Variants in FUBP3 observed in about 807,000 individuals in gnomAD.
The protein encoded by FUBP3 is far upstream element-binding protein 3.
A neutral mutation model predicts 85.6 loss-of-function variants in FUBP3; 28 were observed. That is an observed-to-expected ratio of 0.33 (90% confidence interval 0.24 to 0.45). The LOEUF (loss-of-function observed/expected upper bound fraction) is 0.45. Ranked by LOEUF, FUBP3 falls within the 20% of genes least tolerant of loss-of-function variation. The pLI is 1.00. For missense variants in FUBP3, 583 were observed against 755.1 expected (o/e 0.77, Z 2.67); for synonymous variants, 271 against 271.4 (o/e 1.00, Z 0.01).
intron 1 of FUBP3, among the ~76,000 whole-genome samples, chr9:130,592,685 A>G (rs1830682522): frequency 6.6e-6 from 1 of 151,828 alleles, no homozygotes; most frequent in Admixed American, 6.6e-5. Context: ...CCGGGACTAC[A>G]GGAATGCACC....
chr9:130,605,208 G>A (rs112809441), intron 2 of FUBP3, among the ~76,000 whole-genome samples: 6 of 152,254 alleles, frequency 3.9e-5, no homozygotes, highest in South Asian at 4.1e-4. Flanking sequence ...GGCCCAACAC[G>A]TCCCTGGAGG....
intron 2 of FUBP3, among the ~76,000 whole-genome samples, chr9:130,596,876 G>A (rs1830899088): frequency 6.6e-6 from 1 of 151,952 alleles, no homozygotes; most frequent in Non-Finnish European, 1.5e-5. Context: ...GGAAAACGGG[G>A]GTATCCATCC....
chr9:130,622,870 A>C, intron 10 of FUBP3, 60 bp downstream of exon 10: 1 of 807,094 alleles, frequency 1.2e-6, no homozygotes, highest in Non-Finnish European at 2.0e-6. Context: ...CTTAGTGTTA[A>C]AAGGATGATA....
At chr9:130,588,524 TAAG>T (rs1450810547) in intron 1 of FUBP3, among the ~76,000 whole-genome samples, 1 of 152,142 alleles carries the variant, frequency 6.6e-6, no homozygotes, top group Non-Finnish European at 1.5e-5. Context: ...TGTTCTGCAA[TAAG>T]AGGTTAAAAT....
chr9:130,594,635 TGTA>T (rs1171255461), intron 1 of FUBP3, among the ~76,000 whole-genome samples: 4 of 152,162 alleles, frequency 2.6e-5, no homozygotes, highest in African/African-American at 9.6e-5. Context: ...GGTGCGTACT[TGTA>T]GTCTCAGCTG....
chr9:130,614,262 C>G, intron 5 of FUBP3, 26 bp from the exon 6 acceptor site: 2 of 1,529,734 alleles, frequency 1.3e-6, no homozygotes, highest in Middle Eastern at 1.8e-4. Context: ...CACCAACACC[C>G]CTCATCTTCT....
chr9:130,621,498 G>A (rs1487975368), intron 9 of FUBP3, among the ~76,000 whole-genome samples: 1 of 152,168 alleles, frequency 6.6e-6, no homozygotes, highest in Non-Finnish European at 1.5e-5. Context: ...GTAACAGTGT[G>A]TATGGTGTGT....
chr9:130,579,826 A>T, intron 1 of FUBP3, 62 bp downstream of exon 1: 1 of 1,022,126 alleles, frequency 9.8e-7, no homozygotes, highest in Non-Finnish European at 1.3e-6. Context: ...CGGGCGGGGA[A>T]GAGGGGTTCG....
chr9:130,631,674 C>T (rs765492261), intron 14 of FUBP3, 44 bp downstream of exon 14: 7 of 1,422,294 alleles, frequency 4.9e-6, no homozygotes, highest in Non-Finnish European at 6.9e-6. Flanking sequence ...TTCACTCGCT[C>T]CCCAGAGATC....
At chr9:130,596,857 G>A (rs1830897583) in intron 2 of FUBP3, among the ~76,000 whole-genome samples, 1 of 152,106 alleles carries the variant, frequency 6.6e-6, no homozygotes, top group African/African-American at 2.4e-5. Context: ...TGTGAAATAA[G>A]CACCTCGTGG....
rs147559810 is a variant in FUBP3, at chr9:130,636,013, G to A, written c.1597G>A (p.Ala533Thr). ...TTGTCAACCAGGTCACGCCGCCAGC[G>A]CTGCTCCTCAGGCCAGCTCCCCACC... The part of the protein sequence containing the change: ...YYKKQSHAAS[A>T]APQASSPPDY... The change falls in exon 18 of 19, where the codon GCT becomes ACT. Residue 533 changes from alanine to threonine, a missense_variant. Around this residue, in one of 3 missense-constraint regions of FUBP3, gnomAD observed 404 missense variants for 516.8 expected, o/e 0.78. Transcript: ENST00000319725. 1,959 of 1,601,080 alleles carry A rather than the reference G, an allele frequency of 1.2e-3. 35 individuals carry two copies. The African/African-American group carries it at 0.024, about 19-fold the overall frequency.
intron 3 of FUBP3, 142 bp downstream of exon 3, chr9:130,610,129 G>C: frequency 1.5e-6 from 1 of 670,726 alleles, no homozygotes; most frequent in East Asian, 2.6e-5. Context: ...CGAGTTTTTT[G>C]CTAGCCATTT....
chr9:130,628,649 A>G (rs1386761957), intron 12 of FUBP3, among the ~76,000 whole-genome samples: 1 of 152,002 alleles, frequency 6.6e-6, no homozygotes, highest in Non-Finnish European at 1.5e-5. Context: ...AGTCGCAGAC[A>G]CTCGTGTACT....
rs1164663826 is a variant in FUBP3 at position 130,616,848 on chromosome 9, G to A, written c.567+331G>A. Among the ~76,000 whole-genome samples, 1 of 152,234 alleles carries A rather than the reference G, an allele frequency of 6.6e-6. No homozygotes were observed. The highest frequency in any genetic ancestry group is 1.9e-4 in the East Asian group (1 of 5,202). On this transcript the variant is annotated intron_variant, in intron 7 of 18. Coordinates refer to ENST00000319725, the MANE Select transcript of FUBP3 (RefSeq NM_003934.2). The surrounding 1 kb of genome is among the most constrained non-coding windows in gnomAD (Gnocchi z 4.7). Reference sequence around the variant, plus strand: ...GATAAAAGTGCAGTATTTGGAGTCAGAGGCTCTGACCCAGCATTCTTCCTC... The same window carrying A: ...GATAAAAGTGCAGTATTTGGAGTCAAAGGCTCTGACCCAGCATTCTTCCTC...
chr9:130,596,776 T>C, intron 2 of FUBP3: 1 of 293,408 alleles, frequency 3.4e-6, no homozygotes, highest in Non-Finnish European at 6.9e-6. Flanking sequence ...TTTATTTTAT[T>C]TGTAATTTTT....
chr9:130,599,751 T>C (rs1439702211), intron 2 of FUBP3, among the ~76,000 whole-genome samples: 1 of 152,226 alleles, frequency 6.6e-6, no homozygotes, highest in Non-Finnish European at 1.5e-5. Context: ...CTGGTCTCAG[T>C]TGTGGCACCT....
Position 130,579,635 on chromosome 9 carries a change from G to T in FUBP3, c.-46G>T. ...AGGCCGGACCGGGGAGCCGAGCGGC[G>T]GCGTCGGCGGCGTCGGCGGCGGCGG... On this transcript the variant is annotated 5_prime_UTR_variant, in exon 1 of 19. Transcript: ENST00000319725. 1 of 1,118,318 alleles carries T rather than the reference G, an allele frequency of 8.9e-7. No homozygotes were observed. The highest frequency in any genetic ancestry group is 1.1e-6 in the Non-Finnish European group (1 of 883,816). The allele number at this position is 1,118,318 out of a possible 1,614,324, so 69.3% of individuals were successfully genotyped here.
chr9:130,591,005 G>GTT (rs201565785), intron 1 of FUBP3, among the ~76,000 whole-genome samples: 5,087 of 112,238 alleles, frequency 0.045, 115 homozygotes, highest in Non-Finnish European at 0.06. Context: ...TTTTGTTTTT[G>GTT]TTTGTTTTTG....
chr9:130,583,540 T>C (rs1274458824), intron 1 of FUBP3, among the ~76,000 whole-genome samples: 1 of 152,238 alleles, frequency 6.6e-6, no homozygotes, highest in African/African-American at 2.4e-5. Context: ...GACTGTCTTG[T>C]ACATGTCCAG....
Sources: gnomAD v4.1 joint callset for allele counts (sites outside exome capture counted in the v4.1 genomes callset) on GRCh38, gnomAD v4.1.1 for gene constraint, gnomAD v4.1.1 regional missense constraint, Gnocchi (gnomAD v3.1) non-coding constraint, MANE v1.5 for transcripts, NCBI Gene and HGNC (gene_info 2026-07-23, HGNC 2026-07-21) for gene names.